Variants in PSMA6 observed in about 807,000 individuals in gnomAD.
The protein encoded by PSMA6 is proteasome 20S subunit alpha 6, also known as proteasome subunit alpha type-6.
For synonymous variants in PSMA6, 88 were observed against 97.7 expected (o/e 0.90, Z 0.59); for missense variants, 170 against 294.8 (o/e 0.58, Z 3.10).
chr14:35,308,364 T>G (rs1038551124), intron 2 of PSMA6: 103 of 267,936 alleles, frequency 3.8e-4, no homozygotes, highest in African/African-American at 2.3e-3. Context: ...GAGGTTACGG[T>G]GAGCCAGGAT....
In PSMA6 at chr14:35,292,445, G is replaced by A. The variant is rs1426593300; in HGVS notation, c.-32G>A. The A allele has an allele frequency of 2.5e-6, 4 of 1,603,592 alleles. No homozygotes were observed. Among genetic ancestry groups the A allele is most frequent in the African/African-American group, 1.3e-5 (1 of 74,574 alleles). On this transcript the variant is annotated 5_prime_UTR_variant, in exon 1 of 7. Coordinates refer to ENST00000261479, the MANE Select transcript of PSMA6 (RefSeq NM_002791.3). ...CCTGGTGCGGGAGCTACGGGGCCCA[G>A]GGATTGTGTTTAAAGTAGTGCTTCT...
chr14:35,282,482 A>G (rs1308885283), intron 1 of PSMA6, among the ~76,000 whole-genome samples: 2 of 152,212 alleles, frequency 1.3e-5, no homozygotes, highest in East Asian at 3.9e-4. Context: ...GCTGGTCCTG[A>G]ACTCCTGGCC....
At chr14:35,309,686 T>G (rs1452530938) in intron 3 of PSMA6, among the ~76,000 whole-genome samples, 1 of 152,078 alleles carries the variant, frequency 6.6e-6, no homozygotes, top group Admixed American at 6.6e-5. Flanking sequence ...ATCCCAGCTA[T>G]TCAGGAGGGT....
intron 1 of PSMA6, among the ~76,000 whole-genome samples, chr14:35,302,253 A>T (rs569728501): frequency 2.0e-4 from 30 of 152,116 alleles, no homozygotes; most frequent in African/African-American, 7.2e-4. Flanking sequence ...CTGTTTCTTG[A>T]TTTCTGGCCA....
chr14:35,279,445 G>T (rs2051341960), intron 1 of PSMA6, among the ~76,000 whole-genome samples: 1 of 152,196 alleles, frequency 6.6e-6, no homozygotes. Flanking sequence ...TTGCATAGCT[G>T]TATACTCACA....
At chr14:35,297,134 T>G (rs1287853726) in intron 1 of PSMA6, among the ~76,000 whole-genome samples, 1 of 149,642 alleles carries the variant, frequency 6.7e-6, no homozygotes, top group Admixed American at 6.7e-5. Flanking sequence ...TTTTTTTTTT[T>G]TTTTTTTTTT....
intron 1 of PSMA6, among the ~76,000 whole-genome samples, chr14:35,304,512 C>G (rs2051783510): frequency 6.6e-6 from 1 of 151,986 alleles, no homozygotes; most frequent in African/African-American, 2.4e-5. Flanking sequence ...GGTGTACTAC[C>G]TGAGGTCAGG....
chr14:35,297,679 C>T (rs1195080572), intron 1 of PSMA6, among the ~76,000 whole-genome samples: 2 of 152,110 alleles, frequency 1.3e-5, no homozygotes, highest in African/African-American at 4.8e-5. Flanking sequence ...TTGGTAGGAC[C>T]TCAGAATCAC....
chr14:35,303,006 G>A (rs563246772), intron 1 of PSMA6, among the ~76,000 whole-genome samples: 1 of 152,096 alleles, frequency 6.6e-6, no homozygotes, highest in Non-Finnish European at 1.5e-5. Context: ...TTCTTTTTGA[G>A]AATTAAACAC....
At chr14:35,291,104 ACCTTAGCCC>A (rs1029962591), upstream of PSMA6, among the ~76,000 whole-genome samples, 25 of 144,588 alleles carry the variant, frequency 1.7e-4, no homozygotes, top group African/African-American at 6.2e-4. Flanking sequence ...CCATCCTCCC[ACCTTAGCCC>A]CCCGAGTAGC....
intron 1 of PSMA6, among the ~76,000 whole-genome samples, chr14:35,300,217 C>A (rs2051684594): frequency 2.6e-5 from 4 of 152,144 alleles, no homozygotes; most frequent in Admixed American, 2.6e-4. Context: ...ACCTGGAATT[C>A]CAACACTTTG....
At position 35,304,163 on chromosome 14, in the gene PSMA6, C is replaced by T. The variant is rs148796886; in HGVS notation, c.77-3831C>T. ...AATTTTTGTATTTTTAATAGAGATG[C>T]GGTTTCACCATGTCGGCCAGGATGG... On this transcript the variant is annotated intron_variant, in intron 1 of 6. Transcript: ENST00000261479. 2.2e-3 allele frequency among the ~76,000 whole-genome samples: 330 copies of T among 151,984 alleles called. 7 individuals carry two copies. In the East Asian group the frequency reaches 0.052, roughly 24 times the overall value.
chr14:35,294,107 C>T (rs1430075842), intron 1 of PSMA6, among the ~76,000 whole-genome samples: 1 of 152,236 alleles, frequency 6.6e-6, no homozygotes, highest in Non-Finnish European at 1.5e-5. Flanking sequence ...TGCAATGGCG[C>T]GATCTCGGCT....
intron 1 of PSMA6, among the ~76,000 whole-genome samples, chr14:35,295,158 T>G (rs987166581): frequency 2.6e-5 from 4 of 152,026 alleles, no homozygotes; most frequent in African/African-American, 9.7e-5. Context: ...ACCAACATGG[T>G]GAAACTCTGT....
At chr14:35,284,095 T>C (rs903313406) in intron 1 of PSMA6, among the ~76,000 whole-genome samples, 2 of 152,204 alleles carry the variant, frequency 1.3e-5, no homozygotes, top group Non-Finnish European at 1.5e-5. Flanking sequence ...CCCGTAGCCT[T>C]CCAACTAGAT....
At chr14:35,290,901 T>C (rs1374953169), upstream of PSMA6, among the ~76,000 whole-genome samples, 1 of 152,202 alleles carries the variant, frequency 6.6e-6, no homozygotes, top group African/African-American at 2.4e-5. Flanking sequence ...CAACACTAGC[T>C]GCTCTAAGCC....
At chr14:35,299,742 A>G (rs2051675215) in intron 1 of PSMA6, among the ~76,000 whole-genome samples, 1 of 152,202 alleles carries the variant, frequency 6.6e-6, no homozygotes, top group African/African-American at 2.4e-5. Context: ...TGAGTTGTCT[A>G]AATTCTTTGC....
intron 1 of PSMA6, among the ~76,000 whole-genome samples, chr14:35,307,555 G>A (rs902672016): frequency 6.6e-5 from 10 of 152,064 alleles, no homozygotes; most frequent in South Asian, 2.1e-4. Context: ...CCAACACAGC[G>A]AAACCCCGTC....
intron 1 of PSMA6, among the ~76,000 whole-genome samples, chr14:35,302,445 C>T (rs2051733054): frequency 6.6e-6 from 1 of 152,082 alleles, no homozygotes. Context: ...TTGTTTTTCT[C>T]TGTTTTCAAA....
Sources: allele counts gnomAD v4.1 joint callset (sites outside exome capture counted in the v4.1 genomes callset), GRCh38; gene constraint gnomAD v4.1.1; transcripts MANE v1.5; gene names NCBI Gene and HGNC (gene_info 2026-07-23, HGNC 2026-07-21).